AGBL4: variants seen among roughly 807,000 people sequenced by gnomAD.
The protein encoded by AGBL4 is cytosolic carboxypeptidase 6.
In AGBL4, 58 loss-of-function variants were observed where a neutral mutation model predicts 66.4. The observed-to-expected ratio is 0.87, with a 90% CI of 0.71 to 1.09. AGBL4 has a LOEUF of 1.09. Ranked by LOEUF, AGBL4 falls within the 50% of genes least tolerant of loss-of-function variation. AGBL4 has a pLI of 0.00. For missense variants in AGBL4, 579 were observed against 631.0 expected, an observed-to-expected ratio of 0.92 and a Z score of 0.88; for synonymous variants, 234 against 222.9, an observed-to-expected ratio of 1.05 and a Z score of -0.44.
At chr1:49,284,552 G>T (rs1339315625) in intron 3 of AGBL4, among the ~76,000 whole-genome samples, 7 of 152,202 alleles carry the variant, frequency 4.6e-5, no homozygotes, top group African/African-American at 7.2e-5. Flanking sequence ...TGGACTAAAT[G>T]CTCCAATTAA....
intron 4 of AGBL4, among the ~76,000 whole-genome samples, chr1:49,099,742 G>A (rs1645167476): frequency 6.6e-6 from 1 of 151,900 alleles, no homozygotes; most frequent in African/African-American, 2.4e-5. Flanking sequence ...ATATCCCTAG[G>A]GTCTAGGACT....
chr1:49,035,712 T>A (rs1377087763), intron 5 of AGBL4, among the ~76,000 whole-genome samples: 1 of 152,034 alleles, frequency 6.6e-6, no homozygotes, highest in Non-Finnish European at 1.5e-5. Flanking sequence ...CACCTGATTG[T>A]CACCTGACAC....
chr1:49,542,039 C>A (rs1652079459), intron 3 of AGBL4, among the ~76,000 whole-genome samples: 1 of 152,006 alleles, frequency 6.6e-6, no homozygotes, highest in South Asian at 2.1e-4. Flanking sequence ...TGTAAATGCA[C>A]CAATCAGTGC....
intron 6 of AGBL4, among the ~76,000 whole-genome samples, chr1:48,665,062 A>T (rs320015): frequency 0.52 from 78,970 of 152,112 alleles, 21,502 homozygotes; most frequent in Middle Eastern, 0.65. Flanking sequence ...TATTAACCCT[A>T]TTAAACCTGG....
At chr1:48,627,463 C>G (rs319948) in intron 9 of AGBL4, among the ~76,000 whole-genome samples, 73,103 of 150,578 alleles carry the variant, frequency 0.49, 19,613 homozygotes, top group Middle Eastern at 0.67. Context: ...AGTGCTGGTT[C>G]TGTGTGTGTT....
chr1:49,820,305 G>C (rs541399094), intron 2 of AGBL4, among the ~76,000 whole-genome samples: 3 of 152,248 alleles, frequency 2.0e-5, no homozygotes, highest in African/African-American at 7.2e-5. Context: ...ATTTCTTACT[G>C]AGTGTATAAA....
In AGBL4 at chr1:49,599,520, T is replaced by C. The variant is rs549265870; in HGVS notation, c.282+97793A>G. On this transcript the variant is annotated intron_variant, in intron 3 of 13. Coordinates refer to ENST00000371839, the MANE Select transcript of AGBL4 (RefSeq NM_032785.4). The stretch of plus-strand genomic sequence containing the variant: ...TCTTCTCTCTTTTCTTCTTTATTAG[T>C]ATGGTGAGCAGTCTATCTATTTTGT... Among the ~76,000 whole-genome samples, 3 of 152,258 alleles carry C rather than the reference T, an allele frequency of 2.0e-5. No individual in the cohort carries two copies. In the South Asian group the frequency reaches 6.2e-4, roughly 32 times the overall value.
At chr1:49,100,464 T>G (rs906427931) in intron 4 of AGBL4, among the ~76,000 whole-genome samples, 3 of 152,188 alleles carry the variant, frequency 2.0e-5, no homozygotes, top group African/African-American at 7.2e-5. Context: ...AGAATCTGGA[T>G]GGTGCATCAT....
intron 4 of AGBL4, among the ~76,000 whole-genome samples, chr1:49,154,546 T>G (rs978725161): frequency 4.6e-4 from 70 of 152,254 alleles, no homozygotes; most frequent in African/African-American, 1.2e-3. Flanking sequence ...CTATTGGCTT[T>G]CCAACTTCTG....
chr1:49,114,903 C>A (rs1009026927), intron 4 of AGBL4, among the ~76,000 whole-genome samples: 1 of 152,108 alleles, frequency 6.6e-6, no homozygotes, highest in African/African-American at 2.4e-5. Context: ...GATTACAAAT[C>A]ACCATAGCAG....
At chr1:49,426,427 T>G (rs1030709207) in intron 3 of AGBL4, among the ~76,000 whole-genome samples, 1 of 152,194 alleles carries the variant, frequency 6.6e-6, no homozygotes, top group African/African-American at 2.4e-5. Context: ...CTCCTGAAAT[T>G]TACTGTTTGC....
At chr1:48,759,048 G>A in intron 6 of AGBL4, 1 of 1,613,878 alleles carries the variant, frequency 6.2e-7, no homozygotes, top group Non-Finnish European at 8.5e-7. Context: ...CCTGCTGGAG[G>A]TGGCGCATCT....
At chr1:49,937,637 T>G (rs1267989133) in intron 1 of AGBL4, among the ~76,000 whole-genome samples, 1 of 152,130 alleles carries the variant, frequency 6.6e-6, no homozygotes, top group African/African-American at 2.4e-5. Flanking sequence ...TATAACAAAC[T>G]GTCCCTCAGA....
chr1:49,285,609 T>G (rs1644385972), intron 3 of AGBL4, among the ~76,000 whole-genome samples: 1 of 151,822 alleles, frequency 6.6e-6, no homozygotes, highest in Non-Finnish European at 1.5e-5. Context: ...ATCAACAAAA[T>G]TGATAGACCG....
At chr1:48,754,244 G>A (rs768411149) in intron 6 of AGBL4, among the ~76,000 whole-genome samples, 10 of 152,072 alleles carry the variant, frequency 6.6e-5, no homozygotes, top group Non-Finnish European at 1.3e-4. Flanking sequence ...CTCACACATG[G>A]GGGCTTACCC....
chr1:48,554,447 A>C (rs12095687), intron 11 of AGBL4, among the ~76,000 whole-genome samples: 44 of 152,248 alleles, frequency 2.9e-4, no homozygotes, highest in African/African-American at 9.4e-4. Flanking sequence ...ACTCCATTAT[A>C]ATATCTCATT....
chr1:48,693,509 G>A (rs1646667315), intron 6 of AGBL4, among the ~76,000 whole-genome samples: 2 of 152,312 alleles, frequency 1.3e-5, no homozygotes, highest in South Asian at 4.1e-4. Context: ...AAATTTCACG[G>A]TGGCGTGTGT....
intron 2 of AGBL4, among the ~76,000 whole-genome samples, chr1:49,831,625 T>G (rs1356693734): frequency 6.6e-6 from 1 of 152,200 alleles, no homozygotes; most frequent in Non-Finnish European, 1.5e-5. Flanking sequence ...CTAATTGCCC[T>G]GGCCAGAACT....
intron 3 of AGBL4, among the ~76,000 whole-genome samples, chr1:49,503,103 C>T (rs376712597): frequency 6.6e-6 from 1 of 152,038 alleles, no homozygotes; most frequent in Non-Finnish European, 1.5e-5. Flanking sequence ...GGCCCCTTTG[C>T]TGTGTGCAGC....
Sources: gnomAD v4.1 joint callset for allele counts (sites outside exome capture counted in the v4.1 genomes callset) on GRCh38, gnomAD v4.1.1 for gene constraint, MANE v1.5 for transcripts, NCBI Gene and HGNC (gene_info 2026-07-23, HGNC 2026-07-21) for gene names.